Variants in ESRRG observed in about 807,000 individuals in gnomAD.
ESRRG encodes the protein estrogen related receptor gamma.
ESRRG carries 13 observed loss-of-function variants against 44.0 expected under a neutral mutation model. The observed-to-expected ratio is 0.30, with a 90% CI of 0.19 to 0.47. The LOEUF is 0.47. ESRRG is among the 20% of genes least tolerant of loss of function. The pLI is 1.00. For synonymous variants in ESRRG, 215 were observed against 214.6 expected (o/e 1.00, Z -0.02); for missense variants, 395 against 580.6 (o/e 0.68, Z 3.29).
At chr1:216,996,199 C>T (rs1320657485) in intron 1 of ESRRG, among the ~76,000 whole-genome samples, 2 of 152,090 alleles carry the variant, frequency 1.3e-5, no homozygotes, top group Non-Finnish European at 2.9e-5. Flanking sequence ...ATGACTGTGT[C>T]TCTGCTTCTT....
chr1:216,869,472 C>G lies in ESRRG; in HGVS notation c.-14+70110G>C, dbSNP rs748359180. Among the ~76,000 whole-genome samples, 11 of 152,198 alleles carry G rather than the reference C, an allele frequency of 7.2e-5. No individual in the cohort carries two copies. The East Asian group carries it at 2.1e-3, about 29-fold the overall frequency. On this transcript the variant is annotated intron_variant, in intron 2 of 7. Coordinates refer to the ESRRG transcript ENST00000359162. Reference sequence around the variant, plus strand: ...GTAGCTATATAGTAAGTCTTAAAATCAGAAAGTATGATTCCTTTAAGTTTA... The same window carrying G: ...GTAGCTATATAGTAAGTCTTAAAATGAGAAAGTATGATTCCTTTAAGTTTA...
intron 2 of ESRRG, among the ~76,000 whole-genome samples, chr1:216,913,169 A>C (rs913196114): frequency 2.0e-5 from 3 of 151,906 alleles, no homozygotes; most frequent in African/African-American, 7.2e-5. Flanking sequence ...ATTTGAAAAA[A>C]ATTGAATAGT....
intron 2 of ESRRG, among the ~76,000 whole-genome samples, chr1:216,797,768 T>G (rs551347104): frequency 6.6e-6 from 1 of 152,246 alleles, no homozygotes; most frequent in East Asian, 1.9e-4. Context: ...TTAATACTGT[T>G]GATGCTGACC....
chr1:216,952,035 TA>T (rs1560235063), intron 1 of ESRRG, among the ~76,000 whole-genome samples: 1 of 152,060 alleles, frequency 6.6e-6, no homozygotes, highest in Admixed American at 6.6e-5. Context: ...CCAAACAATC[TA>T]AATATCATCA....
intron 2 of ESRRG, among the ~76,000 whole-genome samples, chr1:216,730,764 GA>G (rs1553549998): frequency 6.6e-6 from 1 of 151,988 alleles, no homozygotes; most frequent in African/African-American, 2.4e-5. Context: ...AAGATGATTG[GA>G]AAAAATAGGT....
At chr1:216,941,523 C>T (rs563905098) in intron 1 of ESRRG, among the ~76,000 whole-genome samples, 3 of 152,150 alleles carry the variant, frequency 2.0e-5, no homozygotes, top group South Asian at 2.1e-4. Flanking sequence ...CCTTTTGATC[C>T]CACACCAACA....
intron 2 of ESRRG, among the ~76,000 whole-genome samples, chr1:216,666,538 T>G (rs1334852246): frequency 2.0e-5 from 3 of 152,214 alleles, no homozygotes; most frequent in African/African-American, 7.2e-5. Flanking sequence ...CAAGGAGGAA[T>G]GAAGGAAAGC....
chr1:216,775,061 G>A (rs1402967229), intron 2 of ESRRG, among the ~76,000 whole-genome samples: 1 of 151,392 alleles, frequency 6.6e-6, no homozygotes, highest in South Asian at 2.1e-4. Flanking sequence ...CTCCCATCTC[G>A]GCCACCCCAA....
intron 1 of ESRRG, among the ~76,000 whole-genome samples, chr1:217,035,319 C>CAAAAAAA (rs397709457): frequency 1.3e-5 from 1 of 75,168 alleles, no homozygotes; most frequent in Non-Finnish European, 2.4e-5. Flanking sequence ...GACTCTGTCT[C>CAAAAAAA]AAAAAAAAAA....
At chr1:216,555,272 C>T (rs1345147211) in intron 5 of ESRRG, among the ~76,000 whole-genome samples, 1 of 152,178 alleles carries the variant, frequency 6.6e-6, no homozygotes, top group African/African-American at 2.4e-5. Context: ...TTCAAATTCT[C>T]CTTCTAGTGG....
Position 216,564,342 on chromosome 1 carries a change from C to T in ESRRG, c.739G>A (p.Glu247Lys). Residue 247 changes from glutamate to lysine, a missense_variant, in exon 5 of 7, where the codon GAG becomes AAG. Coordinates refer to ENST00000408911, the MANE Select transcript of ESRRG (RefSeq NM_001438.4). ...IVSHLLVAEP[E>K]KIYAMPDPTV... ...GGGTCAGGCATGGCATAGATCTTCT[C>T]CGGTTCAGCCACCAACAAATGTGAG... 1 of 1,611,354 alleles carries T rather than the reference C, an allele frequency of 6.2e-7. No homozygotes were observed. The highest frequency in any genetic ancestry group is 8.5e-7 in the Non-Finnish European group (1 of 1,178,490).
At chr1:216,664,972 CATAA>C (rs2073531429) in intron 2 of ESRRG, among the ~76,000 whole-genome samples, 1 of 152,088 alleles carries the variant, frequency 6.6e-6, no homozygotes, top group Non-Finnish European at 1.5e-5. Context: ...ATGGAAGCAA[CATAA>C]ATGTCAGCCA....
intron 1 of ESRRG, among the ~76,000 whole-genome samples, chr1:217,082,934 C>T (rs936055206): frequency 6.6e-6 from 1 of 152,206 alleles, no homozygotes; most frequent in Non-Finnish European, 1.5e-5. Flanking sequence ...CTAAGAATCC[C>T]TTTCAGATAC....
At chr1:216,963,597 A>G (rs748979516) in intron 1 of ESRRG, among the ~76,000 whole-genome samples, 29 of 152,284 alleles carry the variant, frequency 1.9e-4, no homozygotes, top group African/African-American at 6.5e-4. Flanking sequence ...CCTAAAATGA[A>G]GCTTTTAAAA....
At chr1:216,723,530 T>C (rs1183381659), upstream of ESRRG, 6 of 517,064 alleles carry the variant, frequency 1.2e-5, no homozygotes, top group East Asian at 3.3e-5. Flanking sequence ...GCGCAGCCGA[T>C]TGGGGGGCCT....
intron 3 of ESRRG, among the ~76,000 whole-genome samples, chr1:216,643,421 A>T (rs1426964747): frequency 1.3e-5 from 2 of 152,224 alleles, no homozygotes; most frequent in Non-Finnish European, 1.5e-5. Flanking sequence ...TTTCCTAAAC[A>T]TTAGGTCAGC....
At chr1:216,642,293 C>T (rs763892173) in intron 3 of ESRRG, among the ~76,000 whole-genome samples, 3 of 152,032 alleles carry the variant, frequency 2.0e-5, no homozygotes, top group African/African-American at 7.2e-5. Flanking sequence ...AAGCACACAG[C>T]ACATAGCCTA....
intron 2 of ESRRG, among the ~76,000 whole-genome samples, chr1:216,751,848 T>C (rs1164580100): frequency 6.6e-6 from 1 of 152,144 alleles, no homozygotes; most frequent in Non-Finnish European, 1.5e-5. Context: ...TTTTTTCTTT[T>C]TGGAAGAAGC....
chr1:217,073,812 G>A (rs1189974786), intron 1 of ESRRG, among the ~76,000 whole-genome samples: 1 of 152,052 alleles, frequency 6.6e-6, no homozygotes, highest in African/African-American at 2.4e-5. Flanking sequence ...AGGAAAAAAG[G>A]GGAGAGAAGA....
Sources: allele counts gnomAD v4.1 joint callset (sites outside exome capture counted in the v4.1 genomes callset), GRCh38; gene constraint gnomAD v4.1.1; transcripts MANE v1.5; gene names NCBI Gene and HGNC (gene_info 2026-07-23, HGNC 2026-07-21).